PRKN: variants seen among roughly 807,000 people sequenced by gnomAD.
PRKN encodes E3 ubiquitin-protein ligase parkin.
Under a neutral mutation model 59.5 loss-of-function variants are expected in PRKN, and 56 were observed. The ratio of observed to expected loss-of-function variants is 0.94; its 90% confidence interval spans 0.76 to 1.18. PRKN has a LOEUF of 1.18. PRKN is among the 50% of genes most tolerant of loss of function. The pLI, the probability that PRKN is intolerant of heterozygous loss-of-function variation, is 0.00. For missense variants in PRKN, 657 were observed against 596.4 expected (o/e 1.10, Z -1.06); for synonymous variants, 250 against 222.1 (o/e 1.13, Z -1.12).
At chr6:161,756,442 G>GAAA (rs57399165) in intron 7 of PRKN, among the ~76,000 whole-genome samples, 2 of 74,714 alleles carry the variant, frequency 2.7e-5, no homozygotes, top group African/African-American at 5.5e-5. Flanking sequence ...ACCTTGTCTC[G>GAAA]AAAAAAAAAA....
chr6:161,932,389 CT>C, intron 6 of PRKN, among the ~76,000 whole-genome samples: 1 of 151,994 alleles, frequency 6.6e-6, no homozygotes, highest in South Asian at 2.1e-4. Context: ...AGAATATCAC[CT>C]TAAAAATGCT....
intron 6 of PRKN, among the ~76,000 whole-genome samples, chr6:161,931,426 C>G (rs1303404941): frequency 6.6e-6 from 1 of 152,110 alleles, no homozygotes; most frequent in Non-Finnish European, 1.5e-5. Flanking sequence ...GTCCAGTAGA[C>G]ATGGCACCCA....
At chr6:162,115,011 C>G (rs1220886908) in intron 4 of PRKN, among the ~76,000 whole-genome samples, 2 of 151,630 alleles carry the variant, frequency 1.3e-5, no homozygotes, top group Non-Finnish European at 2.9e-5. Context: ...ACCCAAAGGA[C>G]TATAAATCAT....
At chr6:162,339,697 G>A (rs1244304803) in intron 2 of PRKN, among the ~76,000 whole-genome samples, 2 of 152,294 alleles carry the variant, frequency 1.3e-5, no homozygotes, top group Admixed American at 6.5e-5. Flanking sequence ...GGAATAGAAA[G>A]GGGGGAAGGG....
At position 161,369,849 on chromosome 6, in the gene PRKN, CAGAG is replaced by C. The variant is rs1582982333; in HGVS notation, c.1168-9648_1168-9645del. The stretch of plus-strand genomic sequence containing the variant: ...TATTTCATATACATATAGAGAGAGA[CAGAG>C]AGAATCAAAATTCCCTCAGAAAGGT... On this transcript the variant is annotated intron_variant, in intron 10 of 11. Transcript: ENST00000366898. The surrounding 1 kb of genome is among the most constrained non-coding windows in gnomAD (Gnocchi z 5.8). 4 of 276,200 alleles carry C rather than the reference CAGAG, an allele frequency of 1.4e-5. No individual in the cohort carries two copies. The highest frequency in any genetic ancestry group is 4.3e-4 in the Middle Eastern group (1 of 2,316). The allele number at this position is 276,200 out of a possible 1,614,324, so 17.1% of individuals were successfully genotyped here.
intron 7 of PRKN, among the ~76,000 whole-genome samples, chr6:161,686,080 A>C (rs1785542310): frequency 6.6e-6 from 1 of 151,112 alleles, no homozygotes; most frequent in Admixed American, 6.6e-5. Flanking sequence ...AACAGCAAAA[A>C]AAAAAAAAAA....
chr6:161,614,375 A>G (rs766845036), intron 7 of PRKN, among the ~76,000 whole-genome samples: 11 of 152,250 alleles, frequency 7.2e-5, no homozygotes, highest in Non-Finnish European at 1.2e-4. Flanking sequence ...GGCTCTATTA[A>G]GCAACTCAAC....
chr6:161,942,656 C>T (rs1002062633), intron 6 of PRKN, among the ~76,000 whole-genome samples: 3 of 152,120 alleles, frequency 2.0e-5, no homozygotes, highest in Non-Finnish European at 4.4e-5. Flanking sequence ...ATTATACCTA[C>T]CTGAAATGAA....
chr6:161,976,357 G>A (rs904708712), intron 5 of PRKN, among the ~76,000 whole-genome samples: 1 of 152,184 alleles, frequency 6.6e-6, no homozygotes, highest in African/African-American at 2.4e-5. Context: ...CCTCACACCT[G>A]CAGTCCTCAG....
intron 4 of PRKN, among the ~76,000 whole-genome samples, chr6:162,188,124 C>T (rs1274410085): frequency 6.6e-6 from 1 of 152,158 alleles, no homozygotes; most frequent in Non-Finnish European, 1.5e-5. Flanking sequence ...CTTGCTCCTT[C>T]GTGCCTCTCA....
At chr6:162,461,495 G>T (rs1315081410) in intron 1 of PRKN, among the ~76,000 whole-genome samples, 2 of 33,820 alleles carry the variant, frequency 5.9e-5, no homozygotes, top group Non-Finnish European at 1.1e-4. Flanking sequence ...GAGTTAAAGT[G>T]TCTCAAAAAA....
At chr6:162,226,527 A>G (rs1778187442) in intron 3 of PRKN, among the ~76,000 whole-genome samples, 1 of 152,018 alleles carries the variant, frequency 6.6e-6, no homozygotes, top group African/African-American at 2.4e-5. Flanking sequence ...AACACCAAGA[A>G]TTTTGTTTGT....
At chr6:161,712,298 A>G (rs887873944) in intron 7 of PRKN, among the ~76,000 whole-genome samples, 1 of 152,210 alleles carries the variant, frequency 6.6e-6, no homozygotes, top group East Asian at 1.9e-4. Flanking sequence ...CAAATAGGTT[A>G]TTCTAATAGA....
chr6:162,316,456 G>T (rs2128119887), intron 2 of PRKN, among the ~76,000 whole-genome samples: 1 of 152,158 alleles, frequency 6.6e-6, no homozygotes, highest in South Asian at 2.1e-4. Flanking sequence ...GCATAGGTGA[G>T]ATTCACAGTC....
chr6:162,719,574 G>C (rs1360482406), intron 1 of PRKN, among the ~76,000 whole-genome samples: 1 of 151,952 alleles, frequency 6.6e-6, no homozygotes, highest in Non-Finnish European at 1.5e-5. Flanking sequence ...GACTGGATTT[G>C]CCTGGAAGGA....
rs925734458 is a variant in PRKN, at chr6:161,440,050, A to G, written c.1084-53173T>C. On this transcript the variant is annotated intron_variant, in intron 9 of 11. Coordinates refer to ENST00000366898, the MANE Select transcript of PRKN (RefSeq NM_004562.3). This position sits in a 1 kb window ranked among gnomAD's most constrained non-coding sequence, Gnocchi z 4.1. ...ACTGCAAGCTCCACCTCCCGGGTTC[A>G]TGCTACTCTCCTGCCTCAGCCTCCT... 1.3e-5 allele frequency among the ~76,000 whole-genome samples: 2 copies of G among 151,280 alleles called. No individual in the cohort carries two copies. Among genetic ancestry groups the G allele is most frequent in the Non-Finnish European group, 2.9e-5 (2 of 67,886 alleles).
Position 162,598,821 on chromosome 6 carries a change from C to T in PRKN, c.7+128841G>A, listed in dbSNP as rs1212152058. ...TGAGCTGACATCACGCCACTGCACTCCAACCTGGGTGAAAGAGTGAGATTC... is the reference window on the plus strand; with the variant it reads ...TGAGCTGACATCACGCCACTGCACTTCAACCTGGGTGAAAGAGTGAGATTC... On this transcript the variant is annotated intron_variant, in intron 1 of 11. Transcript: ENST00000366898. Among the ~76,000 whole-genome samples, 6 of 138,358 alleles carry T rather than the reference C, an allele frequency of 4.3e-5. No individual in the cohort carries two copies. In the East Asian group the frequency reaches 1.4e-3, roughly 33 times the overall value. The allele number at this position is 138,358 out of a possible 152,430, so 90.8% of individuals were successfully genotyped here.
rs1013241407 is a variant in PRKN, at chr6:161,361,177, A to G, written c.1168-972T>C. Among the ~76,000 whole-genome samples, 6 of 152,352 alleles carry G rather than the reference A, an allele frequency of 3.9e-5. No individual in the cohort carries two copies. The highest frequency in any genetic ancestry group is 7.3e-5 in the Non-Finnish European group (5 of 68,034). ...CAGATAAGATGCAGCATCACCAAAA[A>G]CATGAATCCAAACTTTGTCATTTCA... On this transcript the variant is annotated intron_variant, in intron 10 of 11. Coordinates refer to ENST00000366898, the MANE Select transcript of PRKN (RefSeq NM_004562.3). This position sits in a 1 kb window ranked among gnomAD's most constrained non-coding sequence, Gnocchi z 5.2.
At position 162,489,001 on chromosome 6, in the gene PRKN, G is replaced by A. The variant is rs974046348; in HGVS notation, c.8-45528C>T. On this transcript the variant is annotated intron_variant, in intron 1 of 11. Transcript: ENST00000366898. ...AGATCCAGGATAAGCCACCACTCCTGAAACTTTAAAGATGAGTAGGAGTTA... is the reference window on the plus strand; with the variant it reads ...AGATCCAGGATAAGCCACCACTCCTAAAACTTTAAAGATGAGTAGGAGTTA... Among the ~76,000 whole-genome samples the A allele has an allele frequency of 5.9e-5, 9 of 152,158 alleles. No homozygotes were observed. In the South Asian group the frequency reaches 8.3e-4, roughly 14 times the overall value.
Sources: gnomAD v4.1 joint callset for allele counts (sites outside exome capture counted in the v4.1 genomes callset) on GRCh38, gnomAD v4.1.1 for gene constraint, Gnocchi (gnomAD v3.1) non-coding constraint, MANE v1.5 for transcripts, NCBI Gene and HGNC (gene_info 2026-07-23, HGNC 2026-07-21) for gene names.